The following HDAC9 variants were observed in gnomAD, a reference collection of about 807,000 sequenced individuals.
HDAC9 encodes the protein MEF-2 interacting transcription repressor (MITR) protein.
In HDAC9, 41 loss-of-function variants were observed where a neutral mutation model predicts 139.4. That is an observed-to-expected ratio of 0.29 (90% CI 0.23 to 0.38). The LOEUF is 0.38. Among genes scored for constraint, HDAC9 ranks in the 10% least tolerant of loss-of-function variants. The probability of loss-of-function intolerance (pLI) is 1.00; values close to 1 mark genes in which losing one functional copy is unlikely to be tolerated. For missense variants in HDAC9, 1,147 were observed against 1,297.0 expected (o/e 0.88, Z 1.78); for synonymous variants, 517 against 476.2 (o/e 1.09, Z -1.12).
chr7:18,715,622 T>C (rs1460374507), intron 12 of HDAC9, among the ~76,000 whole-genome samples: 1 of 152,110 alleles, frequency 6.6e-6, no homozygotes, highest in Non-Finnish European at 1.5e-5. Context: ...CTGAAAGAAT[T>C]GGGATCCTAC....
chr7:18,264,315 A>C (rs745714419), intron 2 of HDAC9, among the ~76,000 whole-genome samples: 5 of 152,208 alleles, frequency 3.3e-5, no homozygotes, highest in African/African-American at 4.8e-5. Flanking sequence ...ACAGCATGCA[A>C]AGTATATTCT....
At chr7:18,467,870 G>A (rs1337407788) in intron 1 of HDAC9, among the ~76,000 whole-genome samples, 1 of 151,970 alleles carries the variant, frequency 6.6e-6, no homozygotes, top group Non-Finnish European at 1.5e-5. Context: ...ATATATCCTT[G>A]CCTTCCTCTG....
intron 12 of HDAC9, among the ~76,000 whole-genome samples, chr7:18,719,716 C>T (rs539058913): frequency 3.6e-4 from 54 of 152,038 alleles, no homozygotes; most frequent in Non-Finnish European, 5.9e-4. Context: ...TCCTCTATTT[C>T]GTCTGAGAAT....
At chr7:18,489,761 A>C (rs1796229588) in intron 1 of HDAC9, among the ~76,000 whole-genome samples, 2 of 152,076 alleles carry the variant, frequency 1.3e-5, no homozygotes, top group African/African-American at 4.8e-5. Context: ...AAGACTATTA[A>C]GTTTTCCTTA....
intron 1 of HDAC9, among the ~76,000 whole-genome samples, chr7:18,405,516 G>A (rs112573956): frequency 6.6e-6 from 1 of 151,898 alleles, no homozygotes. Context: ...TAGCCATTTT[G>A]GTTCCTTTCC....
intron 19 of HDAC9, among the ~76,000 whole-genome samples, chr7:18,835,213 T>C (rs1463443863): frequency 6.6e-6 from 1 of 152,144 alleles, no homozygotes; most frequent in Non-Finnish European, 1.5e-5. Flanking sequence ...CAGGGCATGC[T>C]CGCTGTGGTT....
intron 16 of HDAC9, 48 bp from the exon 17 acceptor site, chr7:18,793,297 C>CT (rs768358515): frequency 7.6e-7 from 1 of 1,314,868 alleles, no homozygotes; most frequent in African/African-American, 1.5e-5. Flanking sequence ...TCTTCCTTCT[C>CT]TTTCGCTTTC....
At chr7:18,823,304 C>T (rs115238111) in intron 17 of HDAC9, among the ~76,000 whole-genome samples, 3 of 151,960 alleles carry the variant, frequency 2.0e-5, no homozygotes, top group East Asian at 3.9e-4. Context: ...ATTGGAAGAA[C>T]GAAAGGAAGG....
At chr7:18,432,484 C>G (rs1459380466) in intron 1 of HDAC9, among the ~76,000 whole-genome samples, 2 of 152,172 alleles carry the variant, frequency 1.3e-5, no homozygotes, top group South Asian at 2.1e-4. Flanking sequence ...ACATAGATTT[C>G]TCATCACATT....
intron 22 of HDAC9, among the ~76,000 whole-genome samples, chr7:18,933,597 T>A (rs982263929): frequency 1.3e-5 from 2 of 151,624 alleles, no homozygotes; most frequent in Admixed American, 1.3e-4. Flanking sequence ...AAAGTTACAA[T>A]GAATACAAGC....
chr7:18,186,071 A>G (rs7778372), intron 2 of HDAC9, among the ~76,000 whole-genome samples: 27,452 of 152,166 alleles, frequency 0.18, 2,852 homozygotes, highest in South Asian at 0.34. Flanking sequence ...AGTAAGGACT[A>G]TTTTCTAAAA....
In HDAC9 at chr7:18,807,842, T is replaced by C. The variant is rs1793844310; in HGVS notation, c.2322+14390T>C. Among the ~76,000 whole-genome samples, 2 of 152,182 alleles carry C rather than the reference T, an allele frequency of 1.3e-5. 1 individual carries two copies. Among genetic ancestry groups the C allele is most frequent in the African/African-American group, 4.8e-5 (2 of 41,450 alleles). On this transcript the variant is annotated intron_variant, in intron 17 of 25. Transcript: ENST00000686413. ...TGTTAAGACTTGTTTTGTGACCTAA[T>C]GTGTAATCTGTCCTGGAGAATGTTC... is the stretch of plus-strand genomic sequence containing the variant.
chr7:18,388,190 GC>G (rs1786117142), intron 1 of HDAC9, among the ~76,000 whole-genome samples: 1 of 152,136 alleles, frequency 6.6e-6, no homozygotes, highest in African/African-American at 2.4e-5. Context: ...TGTACGTGTG[GC>G]TAAGATAATC....
chr7:18,827,792 A>G (rs1042112949), intron 17 of HDAC9, among the ~76,000 whole-genome samples: 1 of 152,150 alleles, frequency 6.6e-6, no homozygotes, highest in Non-Finnish European at 1.5e-5. Context: ...TTCCCAGTGA[A>G]CCATGTGCAT....
chr7:18,519,797 A>G (rs1262388292), intron 2 of HDAC9, among the ~76,000 whole-genome samples: 3 of 152,136 alleles, frequency 2.0e-5, no homozygotes, highest in African/African-American at 7.2e-5. Flanking sequence ...GTACCAGGAT[A>G]TTTATCAGCA....
chr7:18,889,990 G>A (rs187421941), intron 22 of HDAC9, among the ~76,000 whole-genome samples: 225 of 152,260 alleles, frequency 1.5e-3, no homozygotes, highest in African/African-American at 3.9e-3. Flanking sequence ...GTGAGCCACC[G>A]CCACTGGCCA....
chr7:18,393,744 G>C (rs1211251559), intron 1 of HDAC9, among the ~76,000 whole-genome samples: 1 of 152,092 alleles, frequency 6.6e-6, no homozygotes, highest in East Asian at 1.9e-4. Context: ...GAAGCTTTTT[G>C]ATTTTTTGTG....
chr7:18,169,565 C>T (rs748510958), intron 2 of HDAC9, among the ~76,000 whole-genome samples: 3 of 152,010 alleles, frequency 2.0e-5, no homozygotes, highest in Admixed American at 1.3e-4. Flanking sequence ...CACCCATTAA[C>T]TCATCATTTA....
chr7:18,341,547 T>C (rs556505148), intron 1 of HDAC9, among the ~76,000 whole-genome samples: 1 of 151,896 alleles, frequency 6.6e-6, no homozygotes, highest in South Asian at 2.1e-4. Flanking sequence ...AAAGTGTTTT[T>C]TATCTGACAG....
Sources: allele counts gnomAD v4.1 joint callset (sites outside exome capture counted in the v4.1 genomes callset), GRCh38; gene constraint gnomAD v4.1.1; transcripts MANE v1.5; gene names NCBI Gene and HGNC (gene_info 2026-07-23, HGNC 2026-07-21).